C1orf105: variants seen among roughly 807,000 people sequenced by gnomAD.
C1orf105 encodes chromosome 1 open reading frame 105.
In C1orf105, 17 loss-of-function variants were observed where a neutral mutation model predicts 20.8. The ratio of observed to expected loss-of-function variants is 0.82; its 90% CI spans 0.56 to 1.23. C1orf105 has a LOEUF of 1.23. Ranked by LOEUF, C1orf105 falls within the 50% of genes most tolerant of loss-of-function variation. C1orf105 has a pLI of 0.00. For missense variants in C1orf105, 219 were observed against 213.5 expected (o/e 1.03, Z -0.16); for synonymous variants, 72 against 72.1 (o/e 1.00, Z 0.01).
intron 1 of C1orf105, among the ~76,000 whole-genome samples, chr1:172,429,945 C>T (rs1349808762): frequency 6.6e-6 from 1 of 152,188 alleles, no homozygotes; most frequent in African/African-American, 2.4e-5. Flanking sequence ...TTCCTCTGTC[C>T]TTGATCTCAC....
At chr1:172,463,400 G>A (rs530960062) in intron 5 of C1orf105, among the ~76,000 whole-genome samples, 31 of 152,202 alleles carry the variant, frequency 2.0e-4, no homozygotes, top group African/African-American at 6.3e-4. Context: ...TGACCTTAGG[G>A]CCATTTGTTC....
chr1:172,453,234 T>G lies in C1orf105; in HGVS notation c.199-3181T>G, dbSNP rs1163821329. On this transcript the variant is annotated intron_variant, in intron 3 of 6. Coordinates refer to ENST00000367727, the MANE Select transcript of C1orf105 (RefSeq NM_139240.4). ...AAAGATTGCTTTTTACCTTTAAATGTAAAGTGTAAAGGGACAGGATTAGAG... is the reference window on the plus strand; with the variant it reads ...AAAGATTGCTTTTTACCTTTAAATGGAAAGTGTAAAGGGACAGGATTAGAG... The G allele has an allele frequency of 9.8e-6, 15 of 1,537,530 alleles. 1 individual carries two copies. In the South Asian group the frequency reaches 1.8e-4, roughly 18 times the overall value.
intron 1 of C1orf105, among the ~76,000 whole-genome samples, chr1:172,438,322 G>C (rs2072108508): frequency 6.6e-6 from 1 of 152,174 alleles, no homozygotes; most frequent in South Asian, 2.1e-4. Context: ...TTGCCATTAA[G>C]AACATTTGTA....
At chr1:172,451,869 T>TC (rs1648685433) in intron 3 of C1orf105, among the ~76,000 whole-genome samples, 1 of 136,936 alleles carries the variant, frequency 7.3e-6, no homozygotes, top group Non-Finnish European at 1.6e-5. Flanking sequence ...TATGGATTCT[T>TC]TTTTTTTTTT....
intron 1 of C1orf105, among the ~76,000 whole-genome samples, chr1:172,432,815 T>A (rs1208269402): frequency 2.6e-5 from 4 of 152,102 alleles, no homozygotes; most frequent in African/African-American, 9.7e-5. Flanking sequence ...ATAACAAACT[T>A]TTCTGAGCTA....
chr1:172,442,267 T>C, intron 1 of C1orf105: 1 of 1,613,874 alleles, frequency 6.2e-7, no homozygotes, highest in South Asian at 1.1e-5. Flanking sequence ...ACTCTTCAGG[T>C]CAGCCCACCG....
intron 4 of C1orf105, among the ~76,000 whole-genome samples, chr1:172,458,698 C>A (rs1649486957): frequency 2.0e-5 from 3 of 152,096 alleles, no homozygotes; most frequent in African/African-American, 7.2e-5. Flanking sequence ...GCAATCATAT[C>A]TTAAAATTTA....
chr1:172,422,128 C>T (rs1266826141), intron 1 of C1orf105, among the ~76,000 whole-genome samples: 2 of 150,886 alleles, frequency 1.3e-5, no homozygotes, highest in Non-Finnish European at 3.0e-5. Flanking sequence ...GGGGAGCGCA[C>T]GATCTAGTAA....
rs772113048 is a variant in C1orf105, at chr1:172,468,462, C to T, written c.420C>T (p.Tyr140=). Residue 140 remains tyrosine, a synonymous_variant, in exon 7 of 7, where the codon TAC becomes TAT. Transcript: ENST00000367727. ...HDDIPTESIH[Y]RLPILGPRTA... ...ACTGTCATCCAGAAAGCATTCACTA[C>T]AGACTGCCCATTCTGGGCCCCAGGA... is the stretch of plus-strand genomic sequence containing the variant. 1.2e-6 allele frequency: 2 copies of T among 1,613,234 alleles called. No homozygotes were observed. Among genetic ancestry groups the T allele is most frequent in the South Asian group, 2.2e-5 (2 of 90,992 alleles).
intron 3 of C1orf105, chr1:172,453,132 A>G (rs751006119): frequency 1.9e-6 from 3 of 1,550,890 alleles, no homozygotes; most frequent in Non-Finnish European, 2.6e-6. Context: ...TCCCTTCTCC[A>G]GATAGAAATG....
intron 1 of C1orf105, chr1:172,441,625 C>G (rs918974997): frequency 1.9e-6 from 2 of 1,072,324 alleles, no homozygotes; most frequent in Non-Finnish European, 2.7e-6. Context: ...ATTCTCTTAC[C>G]ACAATGACAT....
In C1orf105 at chr1:172,468,662, C is replaced by A; in HGVS notation, c.*68C>A. On this transcript the variant is annotated 3_prime_UTR_variant, in exon 7 of 7. Transcript: ENST00000367727. The stretch of plus-strand genomic sequence containing the variant: ...AACCTCGCCAAGCCAATCTTTGACA[C>A]TGGCACCTTCTCCTCACAATTTTCT... 1 of 1,477,952 alleles carries A rather than the reference C, an allele frequency of 6.8e-7. No individual in the cohort carries two copies. The highest frequency in any genetic ancestry group is 1.3e-5 in the South Asian group (1 of 76,032). The allele number at this position is 1,477,952 out of a possible 1,614,324, so 91.6% of individuals were successfully genotyped here.
At chr1:172,445,220 C>T in intron 2 of C1orf105, 62 bp downstream of exon 2, 1 of 1,331,874 alleles carries the variant, frequency 7.5e-7, no homozygotes, top group Non-Finnish European at 1.1e-6. Context: ...ATGATTTCTT[C>T]TTAAGGGATG....
chr1:172,433,294 ATAAC>A (rs2071930376), intron 1 of C1orf105, among the ~76,000 whole-genome samples: 1 of 152,190 alleles, frequency 6.6e-6, no homozygotes, highest in Non-Finnish European at 1.5e-5. Flanking sequence ...CCCAAGACAC[ATAAC>A]TGTCAGATTC....
intron 6 of C1orf105, among the ~76,000 whole-genome samples, chr1:172,466,403 A>G (rs1650055992): frequency 6.6e-6 from 1 of 152,176 alleles, no homozygotes; most frequent in South Asian, 2.1e-4. Flanking sequence ...AAGCTACCCA[A>G]TCTGCTGTTC....
At chr1:172,465,400 C>T (rs1236931220) in intron 6 of C1orf105, 37 bp downstream of exon 6, 37 of 1,450,098 alleles carry the variant, frequency 2.6e-5, no homozygotes, top group Non-Finnish European at 3.6e-5. Context: ...GTGTGAAACA[C>T]ACTAGAAAAA....
intron 1 of C1orf105, chr1:172,430,960 A>G (rs1388307351): frequency 2.3e-6 from 1 of 442,782 alleles, no homozygotes. Flanking sequence ...ACCACAAACT[A>G]TACCCATATA....
At chr1:172,443,634 T>C (rs1317666160) in intron 1 of C1orf105, 1 of 167,034 alleles carries the variant, frequency 6.0e-6, no homozygotes, top group African/African-American at 2.4e-5. Context: ...AAAAAATTCA[T>C]ATTGCCCGAC....
chr1:172,427,332 T>C (rs546918401), intron 1 of C1orf105, among the ~76,000 whole-genome samples: 1 of 152,366 alleles, frequency 6.6e-6, no homozygotes, highest in Admixed American at 6.5e-5. Flanking sequence ...TGTGCACTTA[T>C]GTACTCCAGA....
Sources: gnomAD v4.1 joint callset for allele counts (sites outside exome capture counted in the v4.1 genomes callset) on GRCh38, gnomAD v4.1.1 for gene constraint, MANE v1.5 for transcripts, NCBI Gene and HGNC (gene_info 2026-07-23, HGNC 2026-07-21) for gene names.